The following GGT1 variants were observed in gnomAD, a reference collection of about 807,000 sequenced individuals.
GGT1 encodes the protein glutathione hydrolase 1 proenzyme.
Under a neutral mutation model 56.0 loss-of-function variants are expected in GGT1, and 21 were observed. That is an observed-to-expected ratio of 0.38 (90% CI 0.27 to 0.54). GGT1 has a LOEUF of 0.54. Ranked by LOEUF, GGT1 falls within the 20% of genes least tolerant of loss-of-function variation. GGT1 has a pLI of 0.82. For synonymous variants in GGT1, 238 were observed against 342.6 expected (o/e 0.69, Z 3.37); for missense variants, 466 against 787.0 (o/e 0.59, Z 4.88).
chr22:24,592,988 C>G (rs985185088), upstream of GGT1: 1 of 1,156,654 alleles, frequency 8.6e-7, no homozygotes, highest in South Asian at 4.2e-5. Flanking sequence ...GCCGCCGCCC[C>G]GGCCTCAGAG....
In GGT1 at chr22:24,623,844, C is replaced by T. The variant is rs2047580934; in HGVS notation, c.948C>T (p.Ile316=). 2.5e-6 allele frequency: 4 copies of T among 1,611,888 alleles called. No homozygotes were observed. The highest frequency in any genetic ancestry group is 2.2e-5 in the East Asian group (1 of 44,864). The part of the protein sequence containing the change: ...PEQKGLTYHR[I]VEAFRFAYAK... The stretch of plus-strand genomic sequence containing the variant: ...AGAAGGGCCTGACGTACCACCGCAT[C>T]GTAGAGGCTTTCCGGTTTGCCTACG... Residue 316 remains isoleucine (I), a synonymous_variant, in exon 11 of 16, where the codon ATC becomes ATT. Transcript: ENST00000400382.
rs2047908521 is a variant in GGT1 at position 24,628,079 on chromosome 22, A to T, written c.1337-2A>T. 2 of 1,611,816 alleles carry T rather than the reference A, an allele frequency of 1.2e-6. No individual in the cohort carries two copies. Among genetic ancestry groups the T allele is most frequent in the East Asian group, 4.5e-5 (2 of 44,850 alleles). ...ATCCCTGTCTTCTCCCATCGGCCGC[A>T]GGGAAGCAGCCGCTCTCGTCCATGT... is the stretch of plus-strand genomic sequence containing the variant. On this transcript the variant is annotated splice_acceptor_variant, in intron 13 of 15. Coordinates refer to ENST00000400382, the MANE Select transcript of GGT1 (RefSeq NM_001288833.2). LOFTEE classifies it high-confidence loss of function. The surrounding 1 kb of genome is among the most constrained non-coding windows in gnomAD (Gnocchi z 5.7).
rs571576677 is a variant in GGT1, at chr22:24,620,064, C to T, written c.383-264C>T. Among the ~76,000 whole-genome samples the T allele has an allele frequency of 1.9e-4, 29 of 151,916 alleles. No individual in the cohort carries two copies. The highest frequency in any genetic ancestry group is 5.1e-4 in the African/African-American group (21 of 41,406). The stretch of plus-strand genomic sequence containing the variant: ...AAAATAAATTTAAAAATTAAAAATC[C>T]CCTTCTGCTAGGTGTGCTGTTCACG... On this transcript the variant is annotated intron_variant, in intron 7 of 15. Transcript: ENST00000400382. The surrounding 1 kb of genome is among the most constrained non-coding windows in gnomAD (Gnocchi z 5.6).
At chr22:24,592,560 C>T (rs2045602692), upstream of GGT1, 7 of 456,256 alleles carry the variant, frequency 1.5e-5, no homozygotes, top group South Asian at 1.3e-4. Context: ...ACCGGGCCAC[C>T]CTCAACACAC....
chr22:24,588,330 C>T, the GGT1 span: 10 of 1,609,020 alleles, frequency 6.2e-6, no homozygotes, highest in Admixed American at 5.0e-5. Flanking sequence ...GCTCATAGTC[C>T]TGTGGGAGGG....
chr22:24,608,431 C>G (rs2046454843), intron 2 of GGT1, among the ~76,000 whole-genome samples: 1 of 152,214 alleles, frequency 6.6e-6, no homozygotes, highest in African/African-American at 2.4e-5. Flanking sequence ...ACAGGCGAGG[C>G]TGGGTCATGG....
chr22:24,624,673 G>T (rs373577498), intron 11 of GGT1: 1 of 957,250 alleles, frequency 1.0e-6, no homozygotes, highest in Non-Finnish European at 1.2e-6. Context: ...TCATCTACTC[G>T]CTGGCTCGGG....
chr22:24,588,684 G>T, the GGT1 span: 15 of 1,106,078 alleles, frequency 1.4e-5, no homozygotes, highest in East Asian at 1.2e-4. Context: ...CTTGCCACAG[G>T]GGGAGGAGGC....
intron 9 of GGT1, among the ~76,000 whole-genome samples, chr22:24,621,840 C>T (rs1278682649): frequency 3.3e-5 from 5 of 150,838 alleles, no homozygotes; most frequent in Non-Finnish European, 5.9e-5. Flanking sequence ...CACCTGAGGT[C>T]AGGAGTTCAA....
At chr22:24,626,086 A>G (rs1274624649) in intron 11 of GGT1, among the ~76,000 whole-genome samples, 17 of 127,332 alleles carry the variant, frequency 1.3e-4, no homozygotes, top group Admixed American at 7.8e-5. Context: ...TCCGCCTCCC[A>G]GGTTCACGCC....
At chr22:24,590,527 A>C (rs1234171289), upstream of GGT1, among the ~76,000 whole-genome samples, 1 of 152,052 alleles carries the variant, frequency 6.6e-6, no homozygotes, top group Admixed American at 6.5e-5. Context: ...GTGCTGTGAC[A>C]CTGCCTTCTC....
At chr22:24,589,322 C>G in the GGT1 span, 1 of 1,178,554 alleles carries the variant, frequency 8.5e-7, no homozygotes, top group Non-Finnish European at 1.1e-6. Context: ...GAGGGCCTTG[C>G]TTATGACCCC....
upstream of GGT1, chr22:24,592,905 C>T: frequency 5.5e-6 from 7 of 1,280,066 alleles, no homozygotes; most frequent in Non-Finnish European, 6.9e-6. Flanking sequence ...GCTCCGGCCG[C>T]CGCTCGCGGA....
upstream of GGT1, chr22:24,593,220 A>C (rs1290499284): frequency 9.4e-6 from 5 of 532,508 alleles, no homozygotes; most frequent in Non-Finnish European, 1.2e-5. Context: ...GTTTGGCCTG[A>C]TCACACTGGA....
At chr22:24,602,502 C>T (rs2045799974), upstream of GGT1, among the ~76,000 whole-genome samples, 1 of 152,232 alleles carries the variant, frequency 6.6e-6, no homozygotes, top group Admixed American at 6.5e-5. Flanking sequence ...AGGCTTCGGC[C>T]TGCCAGCGCT....
intron 7 of GGT1, among the ~76,000 whole-genome samples, chr22:24,616,802 CCCAAAGTGCTGGAATTA>C (rs2047102497): frequency 2.0e-5 from 3 of 152,078 alleles, no homozygotes; most frequent in Admixed American, 2.0e-4. Flanking sequence ...GCCTCGGCCT[CCCAAAGTGCTGGAATTA>C]CAGGCGTGAG....
intron 9 of GGT1, 102 bp from the exon 10 acceptor site, chr22:24,623,005 G>A: frequency 7.0e-7 from 1 of 1,424,956 alleles, no homozygotes; most frequent in Non-Finnish European, 9.8e-7. Context: ...CCACCACCAT[G>A]GTGCAGCCAT....
chr22:24,605,989 T>TA (rs1304442243), intron 1 of GGT1, among the ~76,000 whole-genome samples: 3 of 40,678 alleles, frequency 7.4e-5, no homozygotes, highest in African/African-American at 1.1e-4. Flanking sequence ...ATATATTATA[T>TA]TTATATAATT....
chr22:24,611,543 C>CATCTATCT (rs60405110), intron 5 of GGT1, among the ~76,000 whole-genome samples: 22 of 119,440 alleles, frequency 1.8e-4, no homozygotes, highest in Admixed American at 2.7e-4. Context: ...ATCTATCTAT[C>CATCTATCT]ATCTATCTAT....
Sources: allele counts gnomAD v4.1 joint callset (sites outside exome capture counted in the v4.1 genomes callset), GRCh38; gene constraint gnomAD v4.1.1; non-coding constraint Gnocchi (gnomAD v3.1); transcripts MANE v1.5; gene names NCBI Gene and HGNC (gene_info 2026-07-23, HGNC 2026-07-21).